The following CEP63 variants were observed in gnomAD, a reference collection of about 807,000 sequenced individuals.
The protein encoded by CEP63 is centrosomal protein of 63 kDa.
Under a neutral mutation model 89.1 loss-of-function variants are expected in CEP63, and 84 were observed. That is an observed-to-expected ratio of 0.94 (90% CI 0.79 to 1.13). The LOEUF (loss-of-function observed/expected upper bound fraction) is 1.13. Among genes scored for constraint, CEP63 ranks in the 50% most tolerant of loss-of-function variants. The pLI is 0.00. For missense variants in CEP63, 838 were observed against 813.3 expected, an observed-to-expected ratio of 1.03 and a Z score of -0.37; for synonymous variants, 267 against 272.5, an observed-to-expected ratio of 0.98 and a Z score of 0.20.
At chr3:134,701,333 C>CATAT in the CEP63 span, among the ~76,000 whole-genome samples, 9 of 8,984 alleles carry the variant, frequency 1.0e-3, no homozygotes, top group African/African-American at 2.9e-3. Flanking sequence ...TACATATACA[C>CATAT]ACACATATAC....
the CEP63 span, among the ~76,000 whole-genome samples, chr3:134,736,012 A>C: frequency 1.3e-5 from 2 of 152,136 alleles, no homozygotes; most frequent in South Asian, 4.1e-4. Flanking sequence ...TTGAAAATTT[A>C]AACAAAATAC....
intron 3 of CEP63, chr3:134,511,336 C>T (rs1400903927): frequency 6.4e-6 from 1 of 156,936 alleles, no homozygotes; most frequent in African/African-American, 2.4e-5. Context: ...ATCCTCTTCC[C>T]TTGACTTCTC....
the CEP63 span, chr3:134,650,697 A>C: frequency 1.2e-6 from 1 of 833,498 alleles, no homozygotes; most frequent in Non-Finnish European, 1.8e-6. Context: ...GACGGCAGCC[A>C]TGGGGGAGAG....
the CEP63 span, among the ~76,000 whole-genome samples, chr3:134,649,832 G>A: frequency 6.6e-6 from 1 of 152,250 alleles, no homozygotes. Flanking sequence ...TGAGCACAGA[G>A]GCTCTGGGGA....
the CEP63 span, among the ~76,000 whole-genome samples, chr3:134,720,452 AG>A: frequency 4.9e-4 from 75 of 152,254 alleles, no homozygotes; most frequent in Admixed American, 1.2e-3. Context: ...GAAGCACAAA[AG>A]GTTTTAATTT....
the CEP63 span, among the ~76,000 whole-genome samples, chr3:134,766,369 C>T: frequency 1.3e-5 from 2 of 152,342 alleles, no homozygotes; most frequent in Non-Finnish European, 2.9e-5. Flanking sequence ...ATTTGGGAAC[C>T]TTCCTCAGAT....
rs11415245 is a variant in CEP63 at position 134,490,575 on chromosome 3, G to GT, written c.-26+4376dup. On this transcript the variant is annotated intron_variant, in intron 1 of 14. Transcript: ENST00000675561. Reference sequence around the variant, plus strand: ...GTTGGTAGTTGATTTATTTTATTTTGTTTCCAATTTTTCAGTACTGCTTTT... The same window carrying GT: ...GTTGGTAGTTGATTTATTTTATTTTGTTTTCCAATTTTTCAGTACTGCTTTT... 6.3e-3 allele frequency among the ~76,000 whole-genome samples: 959 copies of GT among 151,872 alleles called. 22 individuals carry two copies. The South Asian group carries it at 0.074, about 12-fold the overall frequency.
chr3:134,724,195 T>G, the CEP63 span, among the ~76,000 whole-genome samples: 1 of 152,208 alleles, frequency 6.6e-6, no homozygotes, highest in African/African-American at 2.4e-5. Context: ...TGATTCTACA[T>G]TTCTTACTGA....
intron 6 of CEP63, among the ~76,000 whole-genome samples, chr3:134,538,549 A>ATATG (rs1951315690): frequency 7.1e-6 from 1 of 141,110 alleles, no homozygotes; most frequent in African/African-American, 2.5e-5. Flanking sequence ...ATATATATAT[A>ATATG]TATATGTATA....
At chr3:134,548,893 A>G (rs1020721446) in intron 9 of CEP63, among the ~76,000 whole-genome samples, 169 bp from the exon 10 acceptor site, 1 of 152,168 alleles carries the variant, frequency 6.6e-6, no homozygotes, top group Non-Finnish European at 1.5e-5. Flanking sequence ...TTACATTTTT[A>G]TCACAGTTTT....
chr3:134,528,925 A>G (rs1420446517), intron 3 of CEP63, among the ~76,000 whole-genome samples: 1 of 152,224 alleles, frequency 6.6e-6, no homozygotes, highest in African/African-American at 2.4e-5. Flanking sequence ...AAAGCAAAGT[A>G]GGTGGGCTTA....
At chr3:134,587,560 C>T (rs946061583) in exon 11 of CEP63, among the ~76,000 whole-genome samples, 10 of 152,166 alleles carry the variant, frequency 6.6e-5, no homozygotes, top group African/African-American at 2.4e-4. Flanking sequence ...CCTGATCCTT[C>T]CCCCGGAAGC....
chr3:134,496,196 G>A lies in CEP63; in HGVS notation c.44+832G>A, dbSNP rs888316109. On this transcript the variant is annotated intron_variant, in intron 2 of 14. Transcript: ENST00000675561. ...TCTACAAGAGCAAACTTTTATTGAT[G>A]CTATTTCAGTCATAAAAGCCACAAG... 9.1e-5 allele frequency among the ~76,000 whole-genome samples: 8 copies of A among 87,476 alleles called. No individual in the cohort carries two copies. In the Admixed American group the frequency reaches 1.0e-3, roughly 11 times the overall value. 57.4% of individuals were successfully genotyped at this position (87,476 alleles called of 152,430 possible).
the CEP63 span, among the ~76,000 whole-genome samples, chr3:134,648,767 C>T: frequency 1.3e-5 from 2 of 152,120 alleles, no homozygotes; most frequent in African/African-American, 2.4e-5. Context: ...AAGGGCCACT[C>T]GTTACGGATT....
chr3:134,493,819 C>T (rs1461325782), intron 1 of CEP63, among the ~76,000 whole-genome samples: 2 of 152,082 alleles, frequency 1.3e-5, no homozygotes, highest in African/African-American at 2.4e-5. Flanking sequence ...CATTGAATTA[C>T]GTGTTGAGTA....
At chr3:134,504,090 C>T (rs1942830426) in intron 2 of CEP63, among the ~76,000 whole-genome samples, 1 of 150,348 alleles carries the variant, frequency 6.7e-6, no homozygotes, top group Non-Finnish European at 1.5e-5. Context: ...TTATTGTTTA[C>T]CTGTGTAATT....
At chr3:134,772,966 C>T in the CEP63 span, among the ~76,000 whole-genome samples, 1 of 152,194 alleles carries the variant, frequency 6.6e-6, no homozygotes, top group Non-Finnish European at 1.5e-5. Context: ...GCACTGTGGT[C>T]AGTTAACCCT....
chr3:134,539,736 A>C (rs1951606961), intron 6 of CEP63, among the ~76,000 whole-genome samples: 1 of 152,196 alleles, frequency 6.6e-6, no homozygotes, highest in Admixed American at 6.5e-5. Flanking sequence ...TGTTTTTAAC[A>C]TCTAAAAGTA....
the CEP63 span, among the ~76,000 whole-genome samples, chr3:134,718,698 C>T: frequency 6.6e-6 from 1 of 152,196 alleles, no homozygotes; most frequent in Non-Finnish European, 1.5e-5. Flanking sequence ...TTCCAGTCTC[C>T]TCACCATGCA....
Sources: gnomAD v4.1 joint callset for allele counts (sites outside exome capture counted in the v4.1 genomes callset) on GRCh38, gnomAD v4.1.1 for gene constraint, MANE v1.5 for transcripts, NCBI Gene and HGNC (gene_info 2026-07-23, HGNC 2026-07-21) for gene names.